The following UNC13B variants were observed in gnomAD, a reference collection of about 807,000 sequenced individuals.
UNC13B encodes unc-13 homolog B.
A neutral mutation model predicts 211.0 loss-of-function variants in UNC13B; 144 were observed. The ratio of observed to expected loss-of-function variants is 0.68; its 90% CI spans 0.60 to 0.78. The LOEUF (loss-of-function observed/expected upper bound fraction) is 0.78. UNC13B is among the 30% of genes least tolerant of loss of function. UNC13B has a pLI of 0.00. For missense variants in UNC13B, 1,777 were observed against 2,002.0 expected (o/e 0.89, Z 2.14); for synonymous variants, 709 against 725.8 (o/e 0.98, Z 0.37).
chr9:35,199,203 C>T (rs769044215), intron 1 of UNC13B, among the ~76,000 whole-genome samples: 38 of 152,188 alleles, frequency 2.5e-4, no homozygotes, highest in Admixed American at 2.2e-3. Context: ...TAGTATTCCA[C>T]GGTGTATATG....
At chr9:35,316,591 T>C (rs189571103) in intron 11 of UNC13B, among the ~76,000 whole-genome samples, 5 of 152,314 alleles carry the variant, frequency 3.3e-5, no homozygotes, top group Non-Finnish European at 1.5e-5. Flanking sequence ...AAAGAGACTA[T>C]TAACATATTA....
intron 11 of UNC13B, chr9:35,361,005 G>A (rs1347487652): frequency 6.6e-6 from 1 of 152,152 alleles, no homozygotes; most frequent in East Asian, 1.9e-4. Flanking sequence ...CTTAAGAAAT[G>A]AATCCTTGCA....
chr9:35,301,574 A>T lies in UNC13B; in HGVS notation c.2170A>T (p.Thr724Ser), dbSNP rs900092329. Residue 724 changes from threonine to serine, a missense_variant, in exon 9 of 40, where the codon ACA becomes TCA. Physicochemically the swap from Thr to Ser is moderately conservative, Grantham distance 58 (BLOSUM62 1). Transcript: ENST00000635942. ...EETTGWFQMPTSENLLSSQVT... is the reference protein window; with the variant it reads ...EETTGWFQMPSSENLLSSQVT... ...AACTACGGGCTGGTTCCAGATGCCCACAAGTGAGAATTTGTTGTCCTCCCA... is the reference window on the plus strand; with the variant it reads ...AACTACGGGCTGGTTCCAGATGCCCTCAAGTGAGAATTTGTTGTCCTCCCA... 1.5e-5 allele frequency: 6 copies of T among 398,810 alleles called. No homozygotes were observed. Among genetic ancestry groups the T allele is most frequent in the Non-Finnish European group, 2.7e-5 (6 of 225,960 alleles). The allele number at this position is 398,810 out of a possible 1,614,324, so 24.7% of individuals were successfully genotyped here. A position where few individuals can be genotyped will look rare whatever the true frequency, so the allele number is the denominator to read the frequency against.
rs751057461 is a variant in UNC13B at position 35,377,648 on chromosome 9, G to A, written c.10016G>A (p.Ser3339Asn). The A allele has an allele frequency of 6.2e-7, 1 of 1,614,198 alleles. No homozygotes were observed. The change falls in exon 16 of 40, where the codon AGT becomes AAT. Residue 3339 changes from serine to asparagine, a missense_variant. Physicochemically the swap from Ser to Asn is conservative, Grantham distance 46 (BLOSUM62 1). Transcript: ENST00000635942. ...HVQQMKTVKQ[S>N]VLDGTSKWSA... is the part of the protein sequence containing the mutation. ...CAGCAGATGAAAACAGTGAAGCAGA[G>A]TGTACTGGATGGCACCTCCAAATGG...
intron 8 of UNC13B, among the ~76,000 whole-genome samples, chr9:35,297,393 A>AT (rs899197917): frequency 4.8e-4 from 67 of 140,678 alleles, no homozygotes; most frequent in South Asian, 1.4e-3. Context: ...CCTAAGACAC[A>AT]TTTTTTTTTT....
intron 1 of UNC13B, among the ~76,000 whole-genome samples, chr9:35,204,177 C>T (rs1165446141): frequency 2.0e-5 from 3 of 152,206 alleles, no homozygotes; most frequent in Non-Finnish European, 2.9e-5. Context: ...TGGTGTTAAG[C>T]CTGTGGATGC....
At chr9:35,362,585 G>A (rs908745890) in intron 11 of UNC13B, among the ~76,000 whole-genome samples, 12 of 152,078 alleles carry the variant, frequency 7.9e-5, no homozygotes, top group East Asian at 1.9e-4. Flanking sequence ...CGAGGTGGGC[G>A]GATCACAAGG....
chr9:35,255,866 CG>C (rs1390708861), intron 6 of UNC13B, among the ~76,000 whole-genome samples: 1 of 152,102 alleles, frequency 6.6e-6, no homozygotes, highest in Non-Finnish European at 1.5e-5. Context: ...GACTGGTCCC[CG>C]GGCAAGAAGG....
At chr9:35,217,164 T>C (rs745722236) in intron 1 of UNC13B, among the ~76,000 whole-genome samples, 62 of 152,306 alleles carry the variant, frequency 4.1e-4, no homozygotes, top group Non-Finnish European at 7.5e-4. Flanking sequence ...AGGTTTTTTC[T>C]TTTTGATATT....
chr9:35,171,520 G>A (rs899928570), intron 1 of UNC13B, among the ~76,000 whole-genome samples: 3 of 152,158 alleles, frequency 2.0e-5, no homozygotes, highest in African/African-American at 4.8e-5. Flanking sequence ...TCCCGTCTCC[G>A]TCTCCTAAGT....
chr9:35,250,446 C>G (rs1023577164), intron 6 of UNC13B, among the ~76,000 whole-genome samples: 4 of 152,120 alleles, frequency 2.6e-5, no homozygotes, highest in East Asian at 1.9e-4. Context: ...TTTTCTTTCA[C>G]TTAGCATAAT....
chr9:35,323,442 ACTTAT>A (rs1316090087), intron 11 of UNC13B, among the ~76,000 whole-genome samples: 1 of 152,166 alleles, frequency 6.6e-6, no homozygotes, highest in African/African-American at 2.4e-5. Context: ...ATACTTCAAG[ACTTAT>A]CTTAGCCACA....
In UNC13B at chr9:35,193,823, A is replaced by C. The variant is rs566538294; in HGVS notation, c.22+31518A>C. On this transcript the variant is annotated intron_variant, in intron 1 of 39. Transcript: ENST00000635942. ...CAGCATGAAGCCTGGTTTGTAGTAG[A>C]GAGGCTCAAAAAGGGAAGAGAATTG... Among the ~76,000 whole-genome samples, 345 of 152,286 alleles carry C rather than the reference A, an allele frequency of 2.3e-3. 2 individuals carry two copies. Among genetic ancestry groups the C allele is most frequent in the Middle Eastern group, 0.017 (5 of 292 alleles).
chr9:35,182,231 C>G (rs1821975987), intron 1 of UNC13B, among the ~76,000 whole-genome samples: 1 of 152,050 alleles, frequency 6.6e-6, no homozygotes, highest in Non-Finnish European at 1.5e-5. Flanking sequence ...AAGTTGACTC[C>G]TCTATTGCTG....
At chr9:35,265,490 G>T (rs1448593693) in intron 7 of UNC13B, among the ~76,000 whole-genome samples, 1 of 152,156 alleles carries the variant, frequency 6.6e-6, no homozygotes, top group African/African-American at 2.4e-5. Flanking sequence ...CCCAGCCTAT[G>T]GTATTTTGTT....
At chr9:35,355,014 C>CTGG (rs1832939292) in intron 11 of UNC13B, among the ~76,000 whole-genome samples, 2 of 152,092 alleles carry the variant, frequency 1.3e-5, no homozygotes, top group African/African-American at 4.8e-5. Context: ...TCAGGAATTA[C>CTGG]TGGTTAAATA....
In UNC13B at chr9:35,378,259, C is replaced by T. The variant is rs751002987; in HGVS notation, c.10064-36C>T. On this transcript the variant is annotated intron_variant, in intron 16 of 39. Coordinates refer to ENST00000635942, the MANE Select transcript of UNC13B (RefSeq NM_001371189.2). Reference sequence around the variant, plus strand: ...AGTAGTGTTGTGGGGGGCTTCTGAACGACTCTGAAGCCTCCTATACATGCT... The same window carrying T: ...AGTAGTGTTGTGGGGGGCTTCTGAATGACTCTGAAGCCTCCTATACATGCT... 1.2e-5 allele frequency: 19 copies of T among 1,612,242 alleles called. 1 individual carries two copies. In the Middle Eastern group the frequency reaches 1.2e-3, roughly 98 times the overall value.
chr9:35,230,871 G>T (rs1825160624), intron 2 of UNC13B, among the ~76,000 whole-genome samples: 2 of 151,964 alleles, frequency 1.3e-5, no homozygotes, highest in Non-Finnish European at 2.9e-5. Context: ...CATATCTGTT[G>T]GGTCATATAT....
chr9:35,171,886 A>G (rs1447316320), intron 1 of UNC13B, among the ~76,000 whole-genome samples: 1 of 152,136 alleles, frequency 6.6e-6, no homozygotes, highest in East Asian at 1.9e-4. Flanking sequence ...GAGAAATTGG[A>G]GGCACTTGAA....
Sources: gnomAD v4.1 joint callset for allele counts (sites outside exome capture counted in the v4.1 genomes callset) on GRCh38, gnomAD v4.1.1 for gene constraint, MANE v1.5 for transcripts, NCBI Gene and HGNC (gene_info 2026-07-23, HGNC 2026-07-21) for gene names.